Variants in LRMDA observed in about 807,000 individuals in gnomAD.
LRMDA encodes the protein leucine rich melanocyte differentiation associated, also known as leucine-rich melanocyte differentiation-associated protein.
Under a neutral mutation model 29.8 loss-of-function variants are expected in LRMDA, and 18 were observed. The observed-to-expected ratio is 0.60, with a 90% confidence interval of 0.42 to 0.90. The LOEUF (loss-of-function observed/expected upper bound fraction) is 0.90, where lower values mean the gene tolerates loss of function less well. Ranked by LOEUF, LRMDA falls within the 40% of genes least tolerant of loss-of-function variation. The pLI, the probability that LRMDA is intolerant of heterozygous loss-of-function variation, is 0.00. For synonymous variants in LRMDA, 125 were observed against 109.4 expected (o/e 1.14, Z -0.89); for missense variants, 273 against 273.9 (o/e 1.00, Z 0.02).
intron 6 of LRMDA, among the ~76,000 whole-genome samples, chr10:76,430,120 G>A (rs182428974): frequency 2.0e-5 from 3 of 152,286 alleles, no homozygotes; most frequent in East Asian, 1.9e-4. Flanking sequence ...TAAACAGCTT[G>A]AGAAATATGT....
At chr10:76,421,927 G>A (rs1251061165) in intron 6 of LRMDA, among the ~76,000 whole-genome samples, 1 of 152,186 alleles carries the variant, frequency 6.6e-6, no homozygotes, top group Non-Finnish European at 1.5e-5. Flanking sequence ...TTCCTTCAGA[G>A]AAGACATATT....
chr10:76,064,528 C>T (rs1848753355), intron 5 of LRMDA, among the ~76,000 whole-genome samples: 1 of 152,196 alleles, frequency 6.6e-6, no homozygotes, highest in Non-Finnish European at 1.5e-5. Flanking sequence ...GGAGCACTAC[C>T]TAGTTGCTTC....
At chr10:76,341,113 A>G (rs1841036302) in intron 6 of LRMDA, among the ~76,000 whole-genome samples, 1 of 152,210 alleles carries the variant, frequency 6.6e-6, no homozygotes, top group African/African-American at 2.4e-5. Context: ...AGGATGGACA[A>G]ATGTGAATAA....
At chr10:76,196,149 A>T (rs1851328349) in intron 5 of LRMDA, among the ~76,000 whole-genome samples, 1 of 152,234 alleles carries the variant, frequency 6.6e-6, no homozygotes, top group Admixed American at 6.5e-5. Context: ...GTAACTGCAC[A>T]GCTCTGTCTG....
intron 2 of LRMDA, among the ~76,000 whole-genome samples, chr10:75,764,609 G>A (rs1444607762): frequency 6.6e-6 from 1 of 152,176 alleles, no homozygotes. Flanking sequence ...TCTGCTGTGG[G>A]TGATGTGTCA....
intron 2 of LRMDA, among the ~76,000 whole-genome samples, chr10:75,921,399 A>T (rs1198747341): frequency 6.6e-6 from 1 of 152,238 alleles, no homozygotes; most frequent in Admixed American, 6.5e-5. Context: ...TTCTGTATGT[A>T]ATCACTGCTG....
intron 2 of LRMDA, among the ~76,000 whole-genome samples, chr10:75,461,930 A>G (rs200371044): frequency 6.6e-6 from 1 of 152,150 alleles, no homozygotes; most frequent in East Asian, 1.9e-4. Context: ...AACTCAAACC[A>G]TTTTCAGCTT....
At chr10:76,513,138 A>G (rs1168746563) in intron 6 of LRMDA, among the ~76,000 whole-genome samples, 5 of 152,190 alleles carry the variant, frequency 3.3e-5, no homozygotes, top group Non-Finnish European at 5.9e-5. Flanking sequence ...GAGTTACCAC[A>G]TGCAAAATAG....
chr10:75,912,300 C>G (rs1162866413), intron 2 of LRMDA, among the ~76,000 whole-genome samples: 1 of 152,200 alleles, frequency 6.6e-6, no homozygotes, highest in Non-Finnish European at 1.5e-5. Flanking sequence ...CTTCCATGCT[C>G]TTCACATGCC....
intron 2 of LRMDA, among the ~76,000 whole-genome samples, chr10:75,910,433 A>G (rs1845824577): frequency 6.6e-6 from 1 of 152,226 alleles, no homozygotes; most frequent in Admixed American, 6.5e-5. Context: ...GTGGTAGGAC[A>G]GTTAGCTTTA....
chr10:76,336,340 C>T, intron 6 of LRMDA, among the ~76,000 whole-genome samples: 1 of 152,194 alleles, frequency 6.6e-6, no homozygotes, highest in East Asian at 1.9e-4. Flanking sequence ...CTGGACGGAG[C>T]ATAACTTCAG....
chr10:75,488,313 G>T (rs939836171), intron 2 of LRMDA, among the ~76,000 whole-genome samples: 1 of 151,900 alleles, frequency 6.6e-6, no homozygotes, highest in Non-Finnish European at 1.5e-5. Context: ...TTTTGAAATC[G>T]TTAGCCTTCA....
chr10:75,992,144 G>A (rs1847381045), intron 2 of LRMDA, among the ~76,000 whole-genome samples: 1 of 152,100 alleles, frequency 6.6e-6, no homozygotes, highest in Non-Finnish European at 1.5e-5. Flanking sequence ...TGAGGAAAAA[G>A]GGGTCCAGAT....
At chr10:76,381,797 A>G (rs1161327269) in intron 6 of LRMDA, among the ~76,000 whole-genome samples, 1 of 152,162 alleles carries the variant, frequency 6.6e-6, no homozygotes, top group African/African-American at 2.4e-5. Flanking sequence ...ACCATCTTGT[A>G]TTGTCCTGTG....
rs1482141945 is a variant in LRMDA at position 75,723,476 on chromosome 10, C to A, written c.131+284982C>A. Among the ~76,000 whole-genome samples, 4 of 152,210 alleles carry A rather than the reference C, an allele frequency of 2.6e-5. No individual in the cohort carries two copies. The East Asian group carries it at 7.7e-4, about 29-fold the overall frequency. Reference sequence around the variant, plus strand: ...CATTATGTATTGTCACAGTCCCAAACACTATTCAGCAACTGTCATGCAGCA... The same window carrying A: ...CATTATGTATTGTCACAGTCCCAAAAACTATTCAGCAACTGTCATGCAGCA... On this transcript the variant is annotated intron_variant, in intron 2 of 6. Coordinates refer to ENST00000611255, the MANE Select transcript of LRMDA (RefSeq NM_001305581.2).
intron 5 of LRMDA, among the ~76,000 whole-genome samples, chr10:76,156,720 GA>G: frequency 6.6e-6 from 1 of 152,312 alleles, no homozygotes; most frequent in East Asian, 1.9e-4. Context: ...GTCAGCTGGG[GA>G]CTTAAGGCTC....
intron 2 of LRMDA, among the ~76,000 whole-genome samples, chr10:75,616,240 T>TAGCAGCAGCAGCAGCAGC (rs773644340): frequency 6.8e-6 from 1 of 146,798 alleles, no homozygotes; most frequent in African/African-American, 2.7e-5. Context: ...ATAGTAGCAG[T>TAGCAGCAGCAGCAGCAGC]AGCAGCAGTA....
chr10:76,433,183 T>C (rs1471556360), intron 6 of LRMDA, among the ~76,000 whole-genome samples: 2 of 152,094 alleles, frequency 1.3e-5, no homozygotes, highest in Non-Finnish European at 2.9e-5. Flanking sequence ...GTGTTCCTTC[T>C]CACAGGTATC....
intron 2 of LRMDA, among the ~76,000 whole-genome samples, chr10:75,926,739 G>A (rs1451754724): frequency 6.6e-6 from 1 of 152,156 alleles, no homozygotes; most frequent in African/African-American, 2.4e-5. Flanking sequence ...CTGTTATTTT[G>A]GTTTCCTGGG....
Sources: allele counts gnomAD v4.1 joint callset (sites outside exome capture counted in the v4.1 genomes callset), GRCh38; gene constraint gnomAD v4.1.1; transcripts MANE v1.5; gene names NCBI Gene and HGNC (gene_info 2026-07-23, HGNC 2026-07-21).